Variants in C9orf85 observed in about 807,000 individuals in gnomAD.
C9orf85 encodes the protein chromosome 9 open reading frame 85, also known as uncharacterized protein C9orf85.
Under a neutral mutation model 14.9 loss-of-function variants are expected in C9orf85, and 16 were observed. That is an observed-to-expected ratio of 1.08 (90% CI 0.73 to 1.63). The LOEUF (loss-of-function observed/expected upper bound fraction) is 1.63, where lower values mean the gene tolerates loss of function less well. Among genes scored for constraint, C9orf85 ranks in the 40% most tolerant of loss-of-function variants. The pLI, the probability that C9orf85 is intolerant of heterozygous loss-of-function variation, is 0.00. For synonymous variants in C9orf85, 45 were observed against 56.8 expected (o/e 0.79, Z 0.93); for missense variants, 172 against 186.1 (o/e 0.92, Z 0.44).
intron 1 of C9orf85, among the ~76,000 whole-genome samples, chr9:71,942,985 A>C (rs1328514234): frequency 6.6e-6 from 1 of 152,086 alleles, no homozygotes; most frequent in Non-Finnish European, 1.5e-5. Context: ...CTTGCCCCCA[A>C]ATCCAGGGAT....
intron 1 of C9orf85, among the ~76,000 whole-genome samples, chr9:71,930,915 G>A (rs1828057396): frequency 1.3e-5 from 2 of 152,042 alleles, no homozygotes; most frequent in East Asian, 1.9e-4. Context: ...AGCACATTTG[G>A]TCTGACCTTT....
At position 71,947,114 on chromosome 9, in the gene C9orf85, T is replaced by G. The variant is rs749754822; in HGVS notation, c.209+2T>G. The stretch of plus-strand genomic sequence containing the variant: ...ACCATTATCAAAACCTAAAAAGTGG[T>G]GAGTTAAGATTCTTCATTACCTTAC... On this transcript the variant is annotated splice_donor_variant, in intron 2 of 3. Transcript: ENST00000334731. LOFTEE classifies it high-confidence loss of function. 6.3e-7 allele frequency: 1 copy of G among 1,591,754 alleles called. No homozygotes were observed. The highest frequency in any genetic ancestry group is 8.6e-7 in the Non-Finnish European group (1 of 1,161,150).
At chr9:71,912,060 T>C in intron 1 of C9orf85, 1 of 454,036 alleles carries the variant, frequency 2.2e-6, no homozygotes, top group Non-Finnish European at 3.9e-6. Context: ...ACTTAACTAA[T>C]TGCACAGAGT....
chr9:71,974,524 T>G (rs929090487), downstream of C9orf85, among the ~76,000 whole-genome samples: 1 of 152,220 alleles, frequency 6.6e-6, no homozygotes, highest in Non-Finnish European at 1.5e-5. Flanking sequence ...ATTACAGACA[T>G]GAGCCTCCAC....
intron 2 of C9orf85, among the ~76,000 whole-genome samples, chr9:71,961,212 C>T (rs149391674): frequency 3.3e-5 from 5 of 152,154 alleles, no homozygotes; most frequent in Non-Finnish European, 7.4e-5. Flanking sequence ...CACGCCTGGC[C>T]TCCAGCATTT....
chr9:71,967,798 A>G (rs571707476), intron 2 of C9orf85, among the ~76,000 whole-genome samples: 2 of 145,584 alleles, frequency 1.4e-5, no homozygotes, highest in Non-Finnish European at 3.0e-5. Flanking sequence ...GAGAGCAGAT[A>G]TTCTTGCCCT....
chr9:71,984,517 A>G (rs1378336657), downstream of C9orf85: 1 of 152,294 alleles, frequency 6.6e-6, no homozygotes, highest in Non-Finnish European at 1.5e-5. Context: ...CTCTCCTGCC[A>G]TGTGACACCC....
At chr9:71,945,519 G>A (rs1446444812) in intron 1 of C9orf85, among the ~76,000 whole-genome samples, 1 of 152,072 alleles carries the variant, frequency 6.6e-6, no homozygotes, top group Non-Finnish European at 1.5e-5. Flanking sequence ...ACTTCCTGAT[G>A]GTGAAGATTC....
At chr9:71,978,085 A>T (rs1252193713), downstream of C9orf85, among the ~76,000 whole-genome samples, 1 of 152,222 alleles carries the variant, frequency 6.6e-6, no homozygotes, top group Non-Finnish European at 1.5e-5. Context: ...AAACATTTAT[A>T]TGTAAATCAT....
intron 2 of C9orf85, among the ~76,000 whole-genome samples, chr9:71,958,332 T>G (rs1274659470): frequency 6.6e-6 from 1 of 150,868 alleles, no homozygotes; most frequent in Admixed American, 6.6e-5. Flanking sequence ...GCATGATCTC[T>G]GCTCACCGCA....
intron 2 of C9orf85, among the ~76,000 whole-genome samples, chr9:71,970,577 A>G (rs1369992494): frequency 6.6e-6 from 1 of 152,158 alleles, no homozygotes; most frequent in East Asian, 1.9e-4. Context: ...TTCTTATGTC[A>G]GTACTACACA....
chr9:71,923,751 A>T (rs1827868719), intron 1 of C9orf85, among the ~76,000 whole-genome samples: 1 of 152,140 alleles, frequency 6.6e-6, no homozygotes, highest in African/African-American at 2.4e-5. Context: ...CTGTACCCAT[A>T]TATTTTATTT....
chr9:71,963,788 C>T (rs987054940), intron 2 of C9orf85, among the ~76,000 whole-genome samples: 33 of 152,182 alleles, frequency 2.2e-4, no homozygotes, highest in Non-Finnish European at 1.0e-4. Context: ...GGGCAGAGCT[C>T]GGGACCTGCA....
intron 1 of C9orf85, among the ~76,000 whole-genome samples, chr9:71,931,322 G>T (rs975312890): frequency 6.6e-6 from 1 of 152,140 alleles, no homozygotes. Flanking sequence ...GACTGTTTCT[G>T]CGTATGCTAG....
rs148241349 is a variant in C9orf85 at position 71,979,953 on chromosome 9, C to T, written c.324-2704C>T. Reference sequence around the variant, plus strand: ...ATTCAGTATGACCTTATGTATTCCACTTTTTATTTTTACTTGTTTAATATA... The same window carrying T: ...ATTCAGTATGACCTTATGTATTCCATTTTTTATTTTTACTTGTTTAATATA... On this transcript the variant is annotated intron_variant, in intron 3 of 3. Coordinates refer to the C9orf85 transcript ENST00000377031. 3.6e-3 allele frequency among the ~76,000 whole-genome samples: 550 copies of T among 151,694 alleles called. 4 individuals are homozygous for T. Among genetic ancestry groups the T allele is most frequent in the African/African-American group, 0.012 (494 of 41,356 alleles).
chr9:71,916,512 GA>G (rs1245953628), intron 1 of C9orf85, among the ~76,000 whole-genome samples: 1 of 152,036 alleles, frequency 6.6e-6, no homozygotes, highest in African/African-American at 2.4e-5. Flanking sequence ...CTTGGCTATG[GA>G]ACGCTTTGAT....
At chr9:71,976,891 G>A (rs1045642193), downstream of C9orf85, among the ~76,000 whole-genome samples, 1 of 152,126 alleles carries the variant, frequency 6.6e-6, no homozygotes, top group Non-Finnish European at 1.5e-5. Flanking sequence ...TTGCAACTAG[G>A]AGTATCCAGC....
chr9:71,959,903 C>T (rs906007023), intron 2 of C9orf85, among the ~76,000 whole-genome samples: 2 of 152,158 alleles, frequency 1.3e-5, no homozygotes, highest in African/African-American at 4.8e-5. Flanking sequence ...TAGGAAACTG[C>T]GTTCAATTTG....
At chr9:71,927,645 G>A (rs1827963284) in intron 1 of C9orf85, among the ~76,000 whole-genome samples, 1 of 152,048 alleles carries the variant, frequency 6.6e-6, no homozygotes. Flanking sequence ...AGTCTAGCTG[G>A]GAGATAAGAC....
Sources: allele counts gnomAD v4.1 joint callset (sites outside exome capture counted in the v4.1 genomes callset), GRCh38; gene constraint gnomAD v4.1.1; transcripts MANE v1.5; gene names NCBI Gene and HGNC (gene_info 2026-07-23, HGNC 2026-07-21).